The following GOLM1 variants were observed in gnomAD, a reference collection of about 807,000 sequenced individuals.
The protein encoded by GOLM1 is golgi membrane protein 1, also known as epididymis luminal protein 46.
GOLM1 carries 31 observed loss-of-function variants against 50.5 expected under a neutral mutation model. The ratio of observed to expected loss-of-function variants is 0.61; its 90% CI spans 0.46 to 0.83. The LOEUF (loss-of-function observed/expected upper bound fraction) is 0.83. Ranked by LOEUF, GOLM1 falls within the 40% of genes least tolerant of loss-of-function variation. The pLI is 0.00. For synonymous variants in GOLM1, 178 were observed against 192.8 expected, an observed-to-expected ratio of 0.92 and a Z score of 0.64; for missense variants, 491 against 501.3, an observed-to-expected ratio of 0.98 and a Z score of 0.20.
At chr9:86,064,909 AC>A (rs1314619549) in intron 3 of GOLM1, among the ~76,000 whole-genome samples, 2 of 152,128 alleles carry the variant, frequency 1.3e-5, no homozygotes, top group Non-Finnish European at 2.9e-5. Flanking sequence ...GCTAAAATGC[AC>A]CTTCCAGAAT....
chr9:86,038,605 A>G lies in GOLM1; in HGVS notation c.598-2098T>C, dbSNP rs932142154. Reference sequence around the variant, plus strand: ...CACAGCCAAGGGACTCAGGCTCACTAAAACACTCAGGCTCACTAAAAACCC... The same window carrying G: ...CACAGCCAAGGGACTCAGGCTCACTGAAACACTCAGGCTCACTAAAAACCC... On this transcript the variant is annotated intron_variant, in intron 6 of 9. Transcript: ENST00000388712. Among the ~76,000 whole-genome samples the G allele has an allele frequency of 2.0e-5, 3 of 152,166 alleles. No individual in the cohort carries two copies. In the South Asian group the frequency reaches 6.2e-4, roughly 32 times the overall value.
chr9:86,042,086 C>A (rs904160601), intron 5 of GOLM1, among the ~76,000 whole-genome samples: 3 of 152,166 alleles, frequency 2.0e-5, no homozygotes, highest in African/African-American at 7.2e-5. Context: ...CACTGCACTC[C>A]AGCCTGGGCG....
intron 2 of GOLM1, 41 bp downstream of exon 2, chr9:86,079,151 A>G: frequency 6.8e-7 from 1 of 1,472,028 alleles, no homozygotes; most frequent in Non-Finnish European, 9.1e-7. Context: ...TAAACAAAAC[A>G]TAAACATAAA....
chr9:86,028,039 C>A, intron 9 of GOLM1, 146 bp from the exon 10 acceptor site: 1 of 595,698 alleles, frequency 1.7e-6, no homozygotes, highest in South Asian at 2.1e-5. Context: ...AGTTGTATTC[C>A]TCATCAAGGA....
intron 3 of GOLM1, among the ~76,000 whole-genome samples, chr9:86,061,240 A>T (rs1216884699): frequency 2.0e-5 from 3 of 152,196 alleles, no homozygotes; most frequent in Admixed American, 2.0e-4. Context: ...ACAATTTTTT[A>T]AAAATCTTAA....
At chr9:86,075,834 A>G (rs544113634) in intron 3 of GOLM1, among the ~76,000 whole-genome samples, 21 of 152,310 alleles carry the variant, frequency 1.4e-4, no homozygotes, top group African/African-American at 4.3e-4. Context: ...CACAAAAAGC[A>G]TATCTCACCA....
chr9:86,057,418 CT>C lies in GOLM1; in HGVS notation c.310-4828del, dbSNP rs372148126. The stretch of plus-strand genomic sequence containing the variant: ...TCACACTGTAAAAAGTAGAAGGTGA[CT>C]TTTTTTTTTTGAGTGAAACAGGAGT... On this transcript the variant is annotated intron_variant, in intron 3 of 9. Coordinates refer to ENST00000388712, the MANE Select transcript of GOLM1 (RefSeq NM_016548.4). Among the ~76,000 whole-genome samples, 1,270 of 147,188 alleles carry C rather than the reference CT, an allele frequency of 8.6e-3. 8 individuals carry two copies. The highest frequency in any genetic ancestry group is 0.027 in the African/African-American group (1,073 of 40,474).
At chr9:86,079,806 T>G (rs1223955575) in intron 1 of GOLM1, 1 of 152,548 alleles carries the variant, frequency 6.6e-6, no homozygotes, top group Non-Finnish European at 1.5e-5. Context: ...AGTATATTCC[T>G]CATTACTCCT....
At chr9:86,055,198 A>C (rs1479288260) in intron 3 of GOLM1, among the ~76,000 whole-genome samples, 1 of 152,232 alleles carries the variant, frequency 6.6e-6, no homozygotes, top group African/African-American at 2.4e-5. Flanking sequence ...TCCTGGGGCA[A>C]CAGGAGAGAA....
chr9:86,071,122 G>A (rs567969920), intron 3 of GOLM1, among the ~76,000 whole-genome samples: 1 of 141,876 alleles, frequency 7.0e-6, no homozygotes, highest in Admixed American at 7.0e-5. Context: ...TTTAGAAACA[G>A]GGTCTCGCTC....
At chr9:86,046,635 A>C in intron 4 of GOLM1, 63 bp from the exon 5 acceptor site, 1 of 944,474 alleles carries the variant, frequency 1.1e-6, no homozygotes, top group South Asian at 1.4e-5. Context: ...ATTCAGCCAA[A>C]ATATGACAGA....
intron 4 of GOLM1, among the ~76,000 whole-genome samples, chr9:86,051,897 G>T (rs773759968): frequency 9.9e-5 from 15 of 152,062 alleles, no homozygotes; most frequent in Non-Finnish European, 1.9e-4. Context: ...ATGACCAAAA[G>T]AATTATAATG....
At chr9:86,087,885 T>C (rs923275837) in intron 1 of GOLM1, among the ~76,000 whole-genome samples, 1 of 152,232 alleles carries the variant, frequency 6.6e-6, no homozygotes, top group Non-Finnish European at 1.5e-5. Flanking sequence ...ATCAGGGATA[T>C]TGGTCTGAAA....
intron 4 of GOLM1, among the ~76,000 whole-genome samples, chr9:86,047,718 A>G (rs550340122): frequency 2.3e-4 from 35 of 152,290 alleles, no homozygotes; most frequent in Admixed American, 1.8e-3. Flanking sequence ...CCACAATCCA[A>G]CTAGGCAAGA....
intron 1 of GOLM1, among the ~76,000 whole-genome samples, chr9:86,083,813 T>C (rs548188842): frequency 6.6e-6 from 1 of 152,156 alleles, no homozygotes; most frequent in Non-Finnish European, 1.5e-5. Flanking sequence ...TCCAAAACGG[T>C]CTCTAAAAAC....
chr9:86,035,035 G>C, intron 8 of GOLM1: 6 of 985,266 alleles, frequency 6.1e-6, no homozygotes, highest in Non-Finnish European at 7.2e-6. Flanking sequence ...GCACGACGGT[G>C]GACATACAAA....
At position 86,026,329 on chromosome 9, in the gene GOLM1, T is replaced by C; in HGVS notation, c.*1488A>G. On this transcript the variant is annotated 3_prime_UTR_variant, in exon 10 of 10. Coordinates refer to ENST00000388712, the MANE Select transcript of GOLM1 (RefSeq NM_016548.4). ...CTCTAAGATTTTATCTAAGTTGCCTTTTCTGGGTGGGAAAGTTTAACCTTA... is the reference window on the plus strand; with the variant it reads ...CTCTAAGATTTTATCTAAGTTGCCTCTTCTGGGTGGGAAAGTTTAACCTTA... The C allele has an allele frequency of 1.0e-6, 1 of 985,166 alleles. No individual in the cohort carries two copies. Among genetic ancestry groups the C allele is most frequent in the Non-Finnish European group, 1.2e-6 (1 of 829,732 alleles). The allele number at this position is 985,166 out of a possible 1,614,324, so 61.0% of individuals were successfully genotyped here.
At chr9:86,058,890 A>C (rs1175009360) in intron 3 of GOLM1, among the ~76,000 whole-genome samples, 2 of 151,970 alleles carry the variant, frequency 1.3e-5, no homozygotes, top group East Asian at 1.9e-4. Flanking sequence ...CCAGCTACTC[A>C]GGAGGCTGAG....
At chr9:86,048,320 G>A (rs1442199661) in intron 4 of GOLM1, among the ~76,000 whole-genome samples, 1 of 145,722 alleles carries the variant, frequency 6.9e-6, no homozygotes, top group Non-Finnish European at 1.5e-5. Context: ...TGTGAATAGT[G>A]CCACAATAAA....
Sources: gnomAD v4.1 joint callset for allele counts (sites outside exome capture counted in the v4.1 genomes callset) on GRCh38, gnomAD v4.1.1 for gene constraint, MANE v1.5 for transcripts, NCBI Gene and HGNC (gene_info 2026-07-23, HGNC 2026-07-21) for gene names.